The following APCDD1L variants were observed in gnomAD, a reference collection of about 807,000 sequenced individuals.
APCDD1L encodes protein APCDD1-like.
Under a neutral mutation model 24.2 loss-of-function variants are expected in APCDD1L, and 21 were observed. The ratio of observed to expected loss-of-function variants is 0.87; its 90% confidence interval spans 0.61 to 1.25. The LOEUF (loss-of-function observed/expected upper bound fraction) is 1.25. APCDD1L is among the 50% of genes most tolerant of loss of function. The probability of loss-of-function intolerance (pLI) is 0.00; values close to 1 mark genes in which losing one functional copy is unlikely to be tolerated. For synonymous variants in APCDD1L, 321 were observed against 323.6 expected (o/e 0.99, Z 0.09); for missense variants, 704 against 711.7 (o/e 0.99, Z 0.12).
chr20:58,473,962 TG>T (rs1989860125), intron 1 of APCDD1L, among the ~76,000 whole-genome samples: 1 of 152,332 alleles, frequency 6.6e-6, no homozygotes, highest in African/African-American at 2.4e-5. Flanking sequence ...TTGAGGCCGA[TG>T]TGTTATCCTG....
At position 58,497,441 on chromosome 20, in the gene APCDD1L, G is replaced by A. The variant is rs567059902; in HGVS notation, c.49+17218C>T. 6.6e-6 allele frequency among the ~76,000 whole-genome samples: 1 copy of A among 152,272 alleles called. No homozygotes were observed. Among genetic ancestry groups the A allele is most frequent in the African/African-American group, 2.4e-5 (1 of 41,558 alleles). On this transcript the variant is annotated intron_variant, in intron 1 of 3. Coordinates refer to ENST00000371149, the MANE Select transcript of APCDD1L (RefSeq NM_153360.3). This position sits in a 1 kb window ranked among gnomAD's most constrained non-coding sequence, Gnocchi z 4.3. ...GAATTTACATTCTCATCCTGCTGGAGGCCATGAGTCTGGGCTCATGAGTCT... is the reference window on the plus strand; with the variant it reads ...GAATTTACATTCTCATCCTGCTGGAAGCCATGAGTCTGGGCTCATGAGTCT...
rs1213075657 is a variant in APCDD1L, at chr20:58,467,622, G to A, written c.225C>T (p.Arg75=). Residue 75 remains arginine, a synonymous_variant, in exon 3 of 4, where the codon CGC becomes CGT. Coordinates refer to ENST00000371149, the MANE Select transcript of APCDD1L (RefSeq NM_153360.3). This position sits in a 1 kb window ranked among gnomAD's most constrained non-coding sequence, Gnocchi z 5.9. ...GCCGGCTGGGGTAGAAGGTGTAGGC[G>A]CGGGTCAGGAACTCCGGTCCTGGGC... The part of the protein sequence containing the change: ...EVRPGPEFLT[R]AYTFYPSRLF... The A allele has an allele frequency of 1.3e-6, 2 of 1,527,580 alleles. No homozygotes were observed. Among genetic ancestry groups the A allele is most frequent in the African/African-American group, 1.4e-5 (1 of 70,488 alleles). 94.6% of individuals were successfully genotyped at this position (1,527,580 alleles called of 1,614,324 possible).
At chr20:58,465,862 T>C (rs749725113) in intron 3 of APCDD1L, among the ~76,000 whole-genome samples, 1 of 152,248 alleles carries the variant, frequency 6.6e-6, no homozygotes, top group Non-Finnish European at 1.5e-5. Context: ...ATCGTTTCTC[T>C]ATATCACAAA....
In APCDD1L at chr20:58,459,991, A is replaced by G. The variant is rs370320118; in HGVS notation, c.*799T>C. 3 of 152,618 alleles carry G rather than the reference A, an allele frequency of 2.0e-5. No individual in the cohort carries two copies. The highest frequency in any genetic ancestry group is 7.2e-5 in the African/African-American group (3 of 41,566). The allele number at this position is 152,618 out of a possible 1,614,324, so 9.5% of individuals were successfully genotyped here. A position where few individuals can be genotyped will look rare whatever the true frequency, so the allele number is the denominator to read the frequency against. On this transcript the variant is annotated 3_prime_UTR_variant, in exon 4 of 4. Coordinates refer to ENST00000371149, the MANE Select transcript of APCDD1L (RefSeq NM_153360.3). ...AGCAGCCAGCCTGGTGCACACTGGC[A>G]TTTGCCTGGGCCAGGAAGGCTTGGA...
chr20:58,472,291 C>G (rs1172865144), intron 1 of APCDD1L, among the ~76,000 whole-genome samples: 1 of 152,160 alleles, frequency 6.6e-6, no homozygotes, highest in East Asian at 1.9e-4. Context: ...ATACATTATT[C>G]CCATCTGATC....
intron 1 of APCDD1L, among the ~76,000 whole-genome samples, chr20:58,484,065 A>C (rs1417445364): frequency 6.6e-6 from 1 of 152,188 alleles, no homozygotes. Flanking sequence ...AACAAAAAAC[A>C]TTTTAGCATC....
At position 58,494,376 on chromosome 20, in the gene APCDD1L, C is replaced by T. The variant is rs753227353; in HGVS notation, c.49+20283G>A. Among the ~76,000 whole-genome samples the T allele has an allele frequency of 2.0e-5, 3 of 151,606 alleles. No homozygotes were observed. The highest frequency in any genetic ancestry group is 6.6e-5 in the Admixed American group (1 of 15,208). ...TTCTTGAGTCAGGGTTTCATTCTGTCGCATAGGCTAGAGTACAATGGGATC... is the reference window on the plus strand; with the variant it reads ...TTCTTGAGTCAGGGTTTCATTCTGTTGCATAGGCTAGAGTACAATGGGATC... On this transcript the variant is annotated intron_variant, in intron 1 of 3. Coordinates refer to ENST00000371149, the MANE Select transcript of APCDD1L (RefSeq NM_153360.3). This position sits in a 1 kb window ranked among gnomAD's most constrained non-coding sequence, Gnocchi z 4.8.
chr20:58,510,289 C>T (rs1223058214), intron 1 of APCDD1L, among the ~76,000 whole-genome samples: 1 of 152,222 alleles, frequency 6.6e-6, no homozygotes, highest in East Asian at 1.9e-4. Context: ...CAGGAGGGCA[C>T]ACAATACACG....
chr20:58,484,671 G>A (rs1311003347), intron 1 of APCDD1L, among the ~76,000 whole-genome samples: 1 of 152,174 alleles, frequency 6.6e-6, no homozygotes, highest in Non-Finnish European at 1.5e-5. Context: ...TGCCGCGGAG[G>A]AACTAGAGAT....
chr20:58,474,568 G>T (rs1989871717), intron 1 of APCDD1L, among the ~76,000 whole-genome samples: 2 of 152,258 alleles, frequency 1.3e-5, no homozygotes, highest in Admixed American at 6.5e-5. Flanking sequence ...GCTGGGCATG[G>T]TGGCGCGCAC....
At chr20:58,495,101 T>A (rs979818376) in intron 1 of APCDD1L, among the ~76,000 whole-genome samples, 1 of 152,156 alleles carries the variant, frequency 6.6e-6, no homozygotes, top group Non-Finnish European at 1.5e-5. Context: ...AGTGCTCACA[T>A]GCCTCCTTCA....
Position 58,515,023 on chromosome 20 carries a change from C to T in APCDD1L, c.-316G>A. ...CCTGCCATTCAGACCCCCAGCCCTC[C>T]CCCAGATGTCCGTCCCCTGGCCGTC... On this transcript the variant is annotated 5_prime_UTR_variant, in exon 1 of 4. Coordinates refer to ENST00000371149, the MANE Select transcript of APCDD1L (RefSeq NM_153360.3). The T allele has an allele frequency of 3.5e-6, 1 of 282,146 alleles. No homozygotes were observed. Among genetic ancestry groups the T allele is most frequent in the Non-Finnish European group, 6.6e-6 (1 of 152,418 alleles). 17.5% of individuals were successfully genotyped at this position (282,146 alleles called of 1,614,324 possible). A position where few individuals can be genotyped will look rare whatever the true frequency, so the allele number is the denominator to read the frequency against.
At chr20:58,463,894 T>TGC (rs1555819779) in intron 3 of APCDD1L, among the ~76,000 whole-genome samples, 4 of 52,392 alleles carry the variant, frequency 7.6e-5, no homozygotes, top group African/African-American at 1.6e-4. Flanking sequence ...AGTTTTTTTT[T>TGC]GGGGGGGGGG....
intron 1 of APCDD1L, among the ~76,000 whole-genome samples, chr20:58,481,635 C>A (rs1410282777): frequency 2.0e-5 from 3 of 152,178 alleles, no homozygotes. Flanking sequence ...GGGGGAGGCA[C>A]ACCACTCACC....
In APCDD1L at chr20:58,508,944, G is replaced by A. The variant is rs1869632327; in HGVS notation, c.49+5715C>T. 6.6e-6 allele frequency among the ~76,000 whole-genome samples: 1 copy of A among 152,084 alleles called. No individual in the cohort carries two copies. The highest frequency in any genetic ancestry group is 6.5e-5 in the Admixed American group (1 of 15,272). On this transcript the variant is annotated intron_variant, in intron 1 of 3. Transcript: ENST00000371149. This position sits in a 1 kb window ranked among gnomAD's most constrained non-coding sequence, Gnocchi z 4.0. ...TGTGCATGAGTGTGCGTGAGTGTGT[G>A]TGAGTGTGCATGTGTGTCTGTGTGC...
intron 1 of APCDD1L, among the ~76,000 whole-genome samples, chr20:58,513,044 C>G (rs567805466): frequency 6.6e-6 from 1 of 152,316 alleles, no homozygotes; most frequent in Admixed American, 6.5e-5. Context: ...ATTGGCATGA[C>G]GGGAAGCTCC....
intron 1 of APCDD1L, 135 bp downstream of exon 1, chr20:58,514,524 C>T: frequency 4.4e-6 from 4 of 917,236 alleles, no homozygotes; most frequent in Non-Finnish European, 5.8e-6. Flanking sequence ...GAGAAAGGCG[C>T]GCAGGGCGCA....
chr20:58,491,566 T>C (rs544032854), intron 1 of APCDD1L, among the ~76,000 whole-genome samples: 103 of 152,320 alleles, frequency 6.8e-4, no homozygotes, highest in African/African-American at 2.3e-3. Flanking sequence ...AGAAAATTAT[T>C]AAAATTTCTT....
intron 1 of APCDD1L, among the ~76,000 whole-genome samples, chr20:58,509,205 T>C (rs1054644057): frequency 6.6e-6 from 1 of 151,888 alleles, no homozygotes. Flanking sequence ...GCTGCCCAGG[T>C]AGTTGGTGCT....
Sources: allele counts gnomAD v4.1 joint callset (sites outside exome capture counted in the v4.1 genomes callset), GRCh38; gene constraint gnomAD v4.1.1; non-coding constraint Gnocchi (gnomAD v3.1); transcripts MANE v1.5; gene names NCBI Gene and HGNC (gene_info 2026-07-23, HGNC 2026-07-21).